DLC1: variants seen among roughly 807,000 people sequenced by gnomAD.
The protein encoded by DLC1 is DLC1 Rho GTPase activating protein.
Under a neutral mutation model 140.3 loss-of-function variants are expected in DLC1, and 54 were observed. The observed-to-expected ratio is 0.38, with a 90% CI of 0.31 to 0.48. The LOEUF (loss-of-function observed/expected upper bound fraction) is 0.48, where lower values mean the gene tolerates loss of function less well. DLC1 is among the 20% of genes least tolerant of loss of function. The pLI, the probability that DLC1 is intolerant of heterozygous loss-of-function variation, is 0.96. For synonymous variants in DLC1, 986 were observed against 728.1 expected (o/e 1.35, Z -5.70); for missense variants, 2,536 against 1,907.0 (o/e 1.33, Z -6.14).
chr8:13,359,856 G>A (rs770509570), intron 4 of DLC1, among the ~76,000 whole-genome samples: 2 of 152,162 alleles, frequency 1.3e-5, no homozygotes, highest in Non-Finnish European at 2.9e-5. Flanking sequence ...AGTTATTTAA[G>A]TTCTCATGCT....
intron 2 of DLC1, among the ~76,000 whole-genome samples, chr8:13,417,167 A>T (rs1401689598): frequency 1.3e-5 from 2 of 152,176 alleles, no homozygotes; most frequent in African/African-American, 4.8e-5. Flanking sequence ...GAGAAAAATG[A>T]GGGAACAAAC....
At chr8:13,116,839 T>C (rs1282795541) in intron 5 of DLC1, among the ~76,000 whole-genome samples, 1 of 152,222 alleles carries the variant, frequency 6.6e-6, no homozygotes, top group African/African-American at 2.4e-5. Flanking sequence ...TAAAAACGAT[T>C]ATGGCAGTAG....
chr8:13,427,653 C>T (rs1161245648), intron 2 of DLC1, among the ~76,000 whole-genome samples: 1 of 152,188 alleles, frequency 6.6e-6, no homozygotes, highest in Non-Finnish European at 1.5e-5. Flanking sequence ...CTCAATCCCA[C>T]TTCCCGTGGA....
At chr8:13,160,743 G>A (rs1272263478) in intron 5 of DLC1, among the ~76,000 whole-genome samples, 1 of 152,152 alleles carries the variant, frequency 6.6e-6, no homozygotes, top group East Asian at 1.9e-4. Flanking sequence ...ATCCTTCAAT[G>A]TTTTTGTGAA....
At chr8:13,298,622 C>T (rs1343721945) in intron 5 of DLC1, among the ~76,000 whole-genome samples, 2 of 152,090 alleles carry the variant, frequency 1.3e-5, no homozygotes, top group African/African-American at 4.8e-5. Context: ...ACAGAAAAGA[C>T]GTAGCTTTTT....
chr8:13,508,645 C>T (rs369851027), intron 1 of DLC1, among the ~76,000 whole-genome samples: 12 of 152,126 alleles, frequency 7.9e-5, no homozygotes, highest in Non-Finnish European at 1.8e-4. Flanking sequence ...GTCTTGATCT[C>T]CTGACCTCGT....
At chr8:13,573,780 C>T (rs570711166) in intron 1 of DLC1, among the ~76,000 whole-genome samples, 1 of 152,278 alleles carries the variant, frequency 6.6e-6, no homozygotes, top group South Asian at 2.1e-4. Flanking sequence ...TCTTTAAGCA[C>T]TTACTATTCA....
intron 5 of DLC1, among the ~76,000 whole-genome samples, chr8:13,206,540 C>G (rs988949849): frequency 3.3e-5 from 5 of 151,886 alleles, no homozygotes; most frequent in Non-Finnish European, 5.9e-5. Context: ...GTAAATGGCT[C>G]GTTTAACAAA....
In DLC1 at chr8:13,110,764, C is replaced by T; in HGVS notation, c.1480G>A (p.Asp494Asn). ...VKREHDFLDR[D>N]AIEALCRRLN... The stretch of plus-strand genomic sequence containing the variant: ...TACCTGCATAGAGCCTCAATGGCAT[C>T]TCTGTCCAAAAAATCATGCTCTCTC... The change falls in exon 7 of 18, where the codon GAT becomes AAT. Residue 494 changes from aspartate to asparagine, a missense_variant. By Grantham distance (23) the Asp-to-Asn change is conservative. Coordinates refer to ENST00000276297, the MANE Select transcript of DLC1 (RefSeq NM_182643.3). The T allele has an allele frequency of 6.2e-7, 1 of 1,614,090 alleles. No homozygotes were observed. Among genetic ancestry groups the T allele is most frequent in the Non-Finnish European group, 8.5e-7 (1 of 1,180,018 alleles).
chr8:13,256,316 T>G (rs555871193), intron 5 of DLC1, among the ~76,000 whole-genome samples: 4 of 152,352 alleles, frequency 2.6e-5, no homozygotes, highest in Admixed American at 2.6e-4. Context: ...ACTTTTCTTG[T>G]CACTGATTTT....
At chr8:13,134,045 C>G (rs1303372230) in intron 5 of DLC1, among the ~76,000 whole-genome samples, 1 of 152,182 alleles carries the variant, frequency 6.6e-6, no homozygotes, top group African/African-American at 2.4e-5. Flanking sequence ...CTGGAACTGC[C>G]CTTAGCTGGG....
intron 5 of DLC1, chr8:13,276,641 C>A: frequency 8.4e-7 from 1 of 1,188,918 alleles, no homozygotes. Flanking sequence ...GGCGCGCGAG[C>A]TGCAGCACAG....
intron 2 of DLC1, among the ~76,000 whole-genome samples, chr8:13,452,316 T>TATAGG (rs1799103534): frequency 6.6e-6 from 1 of 152,072 alleles, no homozygotes; most frequent in African/African-American, 2.4e-5. Context: ...TCCACTGACC[T>TATAGG]CAATAGTTAC....
chr8:13,263,552 A>G (rs1830552539), intron 5 of DLC1, among the ~76,000 whole-genome samples: 1 of 151,198 alleles, frequency 6.6e-6, no homozygotes, highest in Admixed American at 6.6e-5. Flanking sequence ...ACTATTCGTC[A>G]TATATTTATA....
At position 13,092,766 on chromosome 8, in the gene DLC1, C is replaced by T. The variant is rs372894000; in HGVS notation, c.3586G>A (p.Glu1196Lys). The change falls in exon 13 of 18, where the codon GAG becomes AAG. Residue 1196 changes from glutamate (E) to lysine (K), a missense_variant. Coordinates refer to ENST00000276297, the MANE Select transcript of DLC1 (RefSeq NM_182643.3). ...IKAAIMLLPD[E>K]NREVLQTLLY... is the part of the protein sequence containing the mutation. ...AGGGTCTGCAGAACCTCCCGGTTCT[C>T]GTCAGGCAGCAGCATGATGGCAGCC... 33 of 1,613,976 alleles carry T rather than the reference C, an allele frequency of 2.0e-5. No homozygotes were observed. Among genetic ancestry groups the T allele is most frequent in the Non-Finnish European group, 2.5e-5 (29 of 1,180,010 alleles).
intron 1 of DLC1, chr8:13,559,476 C>T (rs895109604): frequency 6.6e-6 from 1 of 152,134 alleles, no homozygotes; most frequent in Non-Finnish European, 1.5e-5. Flanking sequence ...TATTTTTATG[C>T]TTACTTTGAA....
intron 5 of DLC1, among the ~76,000 whole-genome samples, chr8:13,216,586 C>A (rs1289435781): frequency 6.6e-6 from 1 of 152,156 alleles, no homozygotes; most frequent in Non-Finnish European, 1.5e-5. Flanking sequence ...AGGGTCCTTT[C>A]CTTCGTGTCA....
chr8:13,386,029 T>C (rs927969594), intron 4 of DLC1, among the ~76,000 whole-genome samples: 2 of 152,194 alleles, frequency 1.3e-5, no homozygotes, highest in Non-Finnish European at 2.9e-5. Context: ...TGGCATGCTG[T>C]TGGCTTGCCA....
chr8:13,494,427 T>G (rs1287884167), intron 2 of DLC1, among the ~76,000 whole-genome samples: 1 of 152,178 alleles, frequency 6.6e-6, no homozygotes, highest in Non-Finnish European at 1.5e-5. Flanking sequence ...GGGTACTGCC[T>G]GTACACAGGG....
Sources: allele counts gnomAD v4.1 joint callset (sites outside exome capture counted in the v4.1 genomes callset), GRCh38; gene constraint gnomAD v4.1.1; transcripts MANE v1.5; gene names NCBI Gene and HGNC (gene_info 2026-07-23, HGNC 2026-07-21).